Variants in MCF2 observed in about 807,000 individuals in gnomAD.
MCF2 encodes MCF.2 cell line derived transforming sequence, also known as proto-oncogene DBL.
Under a neutral mutation model 82.5 loss-of-function variants are expected in MCF2, and 44 were observed. The ratio of observed to expected loss-of-function variants is 0.53; its 90% confidence interval spans 0.42 to 0.69. The LOEUF (loss-of-function observed/expected upper bound fraction) is 0.69, where lower values mean the gene tolerates loss of function less well. Ranked by LOEUF, MCF2 falls within the 30% of genes least tolerant of loss-of-function variation. MCF2 has a pLI of 0.00. For synonymous variants in MCF2, 217 were observed against 224.9 expected, an observed-to-expected ratio of 0.96 and a Z score of 0.32; for missense variants, 623 against 663.1, an observed-to-expected ratio of 0.94 and a Z score of 0.66.
intron 1 of MCF2, among the ~76,000 whole-genome samples, chrX:139,685,711 C>T (rs373665477): frequency 1.8e-5 from 2 of 111,037 alleles, no homozygotes; most frequent in African/African-American, 3.3e-5. Flanking sequence ...AATCATACAC[C>T]TAGAAAACCC....
intron 1 of MCF2, among the ~76,000 whole-genome samples, chrX:139,658,184 C>T (rs750340847): frequency 1.3e-4 from 15 of 111,376 alleles, no homozygotes; most frequent in South Asian, 7.6e-4. Context: ...AATTCTGAGT[C>T]ATATTCATTT....
At chrX:139,604,701 C>T in exon 15 of MCF2, 1 of 1,191,054 alleles carries the variant, frequency 8.4e-7, no homozygotes, top group Non-Finnish European at 1.1e-6. Context: ...AAACAAGGTC[C>T]CACTCTTTCT....
intron 19 of MCF2, among the ~76,000 whole-genome samples, chrX:139,595,349 T>C (rs1358074917): frequency 5.5e-5 from 6 of 110,019 alleles, no homozygotes; most frequent in African/African-American, 9.9e-5. Flanking sequence ...AATGATAGAC[T>C]GGATTAAGAA....
intron 7 of MCF2, among the ~76,000 whole-genome samples, chrX:139,618,963 A>G (rs966051015): frequency 9.0e-5 from 10 of 111,484 alleles, no homozygotes; most frequent in Non-Finnish European, 1.7e-4. Context: ...CAGTTTATAG[A>G]TGAAGACACT....
intron 1 of MCF2, among the ~76,000 whole-genome samples, chrX:139,655,193 G>C (rs1934156547): frequency 8.9e-6 from 1 of 111,987 alleles, no homozygotes; most frequent in African/African-American, 3.2e-5. Context: ...CCTGGAATTT[G>C]ATAGAGATTG....
chrX:139,598,637 G>A, intron 16 of MCF2, 139 bp from the exon 21 acceptor site: 1 of 363,749 alleles, frequency 2.7e-6, no homozygotes, highest in Non-Finnish European at 4.6e-6. Context: ...CACTGTTATA[G>A]TACAGAAATT....
chrX:139,597,229 C>T (rs1930177348), intron 18 of MCF2, among the ~76,000 whole-genome samples: 1 of 111,348 alleles, frequency 9.0e-6, no homozygotes, highest in Admixed American at 9.6e-5. Flanking sequence ...AGCAGGATCT[C>T]CCAGGTCTGG....
rs775258110 is a variant in MCF2, at chrX:139,592,342, T to C, written c.2278-2415A>G. Among the ~76,000 whole-genome samples the C allele has an allele frequency of 4.5e-5, 5 of 111,987 alleles. No individual in the cohort carries two copies. The East Asian group carries it at 1.4e-3, about 31-fold the overall frequency. ...ACCTTCTCTGTTTCCATGGTACCTA[T>C]TGCAGTTTCAGTTTTCATGACTTAA... On this transcript the variant is annotated intron_variant, in intron 19 of 24. Coordinates refer to ENST00000370576, the Ensembl canonical transcript of MCF2.
At chrX:139,656,305 G>A (rs1433402859) in intron 1 of MCF2, among the ~76,000 whole-genome samples, 8 of 111,370 alleles carry the variant, frequency 7.2e-5, no homozygotes, top group African/African-American at 2.0e-4. Context: ...CTCGTGATCC[G>A]CCCGCCTCGG....
upstream of MCF2, among the ~76,000 whole-genome samples, chrX:139,644,721 C>T (rs549142354): frequency 1.8e-5 from 2 of 112,104 alleles, no homozygotes; most frequent in East Asian, 2.8e-4. Flanking sequence ...GGCGTGACCT[C>T]CTCAATCAGT....
At chrX:139,594,015 C>T (rs1929795286) in intron 19 of MCF2, among the ~76,000 whole-genome samples, 1 of 111,135 alleles carries the variant, frequency 9.0e-6, no homozygotes, top group East Asian at 2.8e-4. Context: ...ATCCAACTTA[C>T]AAGGGACATG....
chrX:139,604,662 A>T lies in MCF2; in HGVS notation c.1743+19T>A, dbSNP rs750430663. 7 of 1,088,650 alleles carry T rather than the reference A, an allele frequency of 6.4e-6. No homozygotes were observed. Among genetic ancestry groups the T allele is most frequent in the South Asian group, 2.2e-5 (1 of 45,557 alleles). The allele number at this position is 1,088,650 out of a possible 1,213,427, so 89.7% of individuals were successfully genotyped here. On this transcript the variant is annotated intron_variant, in intron 15 of 24. Transcript: ENST00000370576. ...TGGTGGTGCATATTTATATATATTT[A>T]AAAAATAATTTAACTAACCCTTTCC...
At chrX:139,692,070 G>C in intron 1 of MCF2, 2 of 1,165,605 alleles carry the variant, frequency 1.7e-6, no homozygotes, top group Non-Finnish European at 2.3e-6. Flanking sequence ...GGGCAGGCCT[G>C]GGATCCTGCC....
intron 10 of MCF2, among the ~76,000 whole-genome samples, chrX:139,612,595 T>G (rs2148451228): frequency 9.0e-6 from 1 of 111,429 alleles, no homozygotes; most frequent in Admixed American, 9.6e-5. Context: ...GACTCATTTT[T>G]ATGAGAAATT....
chrX:139,697,120 C>A (rs1327361486), intron 1 of MCF2, among the ~76,000 whole-genome samples: 1 of 111,325 alleles, frequency 9.0e-6, no homozygotes, highest in East Asian at 2.8e-4. Flanking sequence ...GTAGTCCAGG[C>A]CAAATAAATG....
intron 1 of MCF2, among the ~76,000 whole-genome samples, chrX:139,664,939 T>C (rs1028861153): frequency 9.0e-6 from 1 of 111,311 alleles, no homozygotes; most frequent in African/African-American, 3.3e-5. Flanking sequence ...TAGGTTCCCT[T>C]GTGGTCCAAG....
chrX:139,675,323 T>C (rs1934833547), intron 1 of MCF2, among the ~76,000 whole-genome samples: 3 of 112,679 alleles, frequency 2.7e-5, no homozygotes, highest in Admixed American at 9.4e-5. Context: ...AGTCATTCTC[T>C]GTCCAGCTTT....
At chrX:139,629,023 G>A (rs1051405333) in intron 4 of MCF2, among the ~76,000 whole-genome samples, 1 of 111,670 alleles carries the variant, frequency 9.0e-6, no homozygotes, top group African/African-American at 3.3e-5. Flanking sequence ...TCGGCCTCCT[G>A]ACTCCTCCTC....
intron 1 of MCF2, among the ~76,000 whole-genome samples, chrX:139,698,338 C>A (rs778700451): frequency 2.7e-4 from 30 of 112,242 alleles, no homozygotes; most frequent in Non-Finnish European, 5.4e-4. Context: ...CTGCTTGGGG[C>A]AAAATTAGAG....
Sources: allele counts gnomAD v4.1 joint callset (sites outside exome capture counted in the v4.1 genomes callset), GRCh38; gene constraint gnomAD v4.1.1; transcripts MANE v1.5; gene names NCBI Gene and HGNC (gene_info 2026-07-23, HGNC 2026-07-21).